MUC3A: variants seen among roughly 807,000 people sequenced by gnomAD.
MUC3A encodes mucin-3A.
Under a neutral mutation model 109.0 loss-of-function variants are expected in MUC3A, and 109 were observed. The ratio of observed to expected loss-of-function variants is 1.00; its 90% CI spans 0.86 to 1.17. The LOEUF (loss-of-function observed/expected upper bound fraction) is 1.17, where lower values mean the gene tolerates loss of function less well. Among genes scored for constraint, MUC3A ranks in the 50% most tolerant of loss-of-function variants. The pLI, the probability that MUC3A is intolerant of heterozygous loss-of-function variation, is 0.00. For synonymous variants in MUC3A, 1,398 were observed against 981.4 expected, an observed-to-expected ratio of 1.42 and a Z score of -7.93; for missense variants, 3,537 against 2,469.4, an observed-to-expected ratio of 1.43 and a Z score of -9.16.
At position 100,952,892 on chromosome 7, in the gene MUC3A, T is replaced by C; in HGVS notation, c.1113T>C (p.Ser371=). 6.4e-7 allele frequency: 1 copy of C among 1,570,082 alleles called. No individual in the cohort carries two copies. Among genetic ancestry groups the C allele is most frequent in the Non-Finnish European group, 8.6e-7 (1 of 1,165,368 alleles). ...CAGAGACTTCTCTCCCACCCACCTC[T>C]TCCTCTCTCCCAACCACAGAAACAG... The part of the protein sequence containing the change: ...LSTETSLPPT[S]SSLPTTETAT... The change falls in exon 2 of 12, where the codon TCT becomes TCC. Residue 371 remains serine, a synonymous_variant. Transcript: ENST00000379458.
Position 100,963,683 on chromosome 7 carries a change from T to G in MUC3A, c.9169-5T>G. 6.3e-7 allele frequency: 1 copy of G among 1,598,466 alleles called. No homozygotes were observed. The highest frequency in any genetic ancestry group is 8.5e-7 in the Non-Finnish European group (1 of 1,179,764). On this transcript the variant is annotated splice_polypyrimidine_tract_variant and splice_region_variant and intron_variant, in intron 4 of 11. Coordinates refer to ENST00000379458, the MANE Select transcript of MUC3A (RefSeq NM_005960.2). ...ACGTGAGCCCAGGGATCCTTGGTGT[T>G]TCAGATGCAGAAGATTTTTGCAGAC...
chr7:100,954,562 C>G lies in MUC3A; in HGVS notation c.2783C>G (p.Ser928Cys), dbSNP rs1046949391. The G allele has an allele frequency of 5.0e-6, 2 of 400,332 alleles. No individual in the cohort carries two copies. The highest frequency in any genetic ancestry group is 8.8e-6 in the Non-Finnish European group (2 of 227,398). The allele number at this position is 400,332 out of a possible 1,614,324, so 24.8% of individuals were successfully genotyped here. Residue 928 changes from serine (S) to cysteine (C), a missense_variant, in exon 2 of 12, where the codon TCC (serine) becomes TGC (cysteine). By Grantham distance (112) the Ser-to-Cys change is moderately radical. Transcript: ENST00000379458. ...SAGTTHTESI[S>C]SPRGTTSTLH... ...GGGACCACTCACACAGAGAGTATCTCCTCACCTCGAGGCACCACCAGTACA... is the reference window on the plus strand; with the variant it reads ...GGGACCACTCACACAGAGAGTATCTGCTCACCTCGAGGCACCACCAGTACA...
At chr7:100,961,409 G>A (rs1216402863) in intron 3 of MUC3A, among the ~76,000 whole-genome samples, 1 of 152,308 alleles carries the variant, frequency 6.6e-6, no homozygotes, top group African/African-American at 2.4e-5. Flanking sequence ...ATCTCTCTGT[G>A]TCTTTCTCCC....
In MUC3A at chr7:100,951,880, T is replaced by C. The variant is rs1791953016; in HGVS notation, c.101T>C (p.Phe34Ser). Residue 34 changes from phenylalanine to serine, a missense_variant, in exon 2 of 12, where the codon TTC (phenylalanine) becomes TCC (serine). Coordinates refer to ENST00000379458, the MANE Select transcript of MUC3A (RefSeq NM_005960.2). ...GCCACATCCATCTCTCAAGTGCCTT[T>C]CCCCAGAGCAGAAGCAGCCAGCGCT... ...STATSISQVP[F>S]PRAEAASAVL... 6.3e-7 allele frequency: 1 copy of C among 1,598,410 alleles called. No homozygotes were observed. The highest frequency in any genetic ancestry group is 1.3e-5 in the African/African-American group (1 of 75,074).
Position 100,956,208 on chromosome 7 carries a change from A to G in MUC3A, c.4429A>G (p.Thr1477Ala). Residue 1477 changes from threonine to alanine, a missense_variant, in exon 2 of 12, where the codon ACT becomes GCT. Thr to Ala is a moderately conservative substitution (Grantham distance 58). Coordinates refer to ENST00000379458, the MANE Select transcript of MUC3A (RefSeq NM_005960.2). ...SPTSTVTEST[T>A]EITYPTTMTE... ...CACAAGCACTGTCACAGAGTCCACAACTGAAATCACCTATCCCACCACTAT... is the reference window on the plus strand; with the variant it reads ...CACAAGCACTGTCACAGAGTCCACAGCTGAAATCACCTATCCCACCACTAT... 4 of 461,432 alleles carry G rather than the reference A, an allele frequency of 8.7e-6. No individual in the cohort carries two copies. The East Asian group carries it at 1.0e-4, about 12-fold the overall frequency. The allele number at this position is 461,432 out of a possible 1,614,324, so 28.6% of individuals were successfully genotyped here.
chr7:100,963,011 C>T (rs1463204805), intron 3 of MUC3A, 140 bp from the exon 4 acceptor site: 28 of 896,324 alleles, frequency 3.1e-5, no homozygotes, highest in Non-Finnish European at 3.2e-5. Context: ...ATTCCTACAT[C>T]TGTTCCTGCC....
At position 100,952,121 on chromosome 7, in the gene MUC3A, C is replaced by T. The variant is rs1358540230; in HGVS notation, c.342C>T (p.Thr114=). The T allele has an allele frequency of 9.4e-6, 15 of 1,598,426 alleles. No individual in the cohort carries two copies. Among genetic ancestry groups the T allele is most frequent in the Non-Finnish European group, 1.3e-5 (15 of 1,179,768 alleles). The change falls in exon 2 of 12, where the codon ACC becomes ACT. Residue 114 remains threonine, a synonymous_variant. Transcript: ENST00000379458. ...CCAAGTTTGCCTTCAAGGTTGAAAC[C>T]ACTCCACCCACCGTGTTGGTCTATT... ...PTSKFAFKVE[T]TPPTVLVYSA... is the part of the protein sequence containing the mutation.
intron 3 of MUC3A, 64 bp downstream of exon 3, chr7:100,961,001 C>A (rs1792309424): frequency 2.5e-6 from 4 of 1,596,196 alleles, no homozygotes; most frequent in Non-Finnish European, 2.5e-6. Context: ...TCTCCCCAGA[C>A]TTATCCCTCT....
At chr7:100,963,825 T>A (rs998890783) in intron 5 of MUC3A, 73 bp downstream of exon 5, 1 of 1,583,618 alleles carries the variant, frequency 6.3e-7, no homozygotes, top group African/African-American at 1.3e-5. Context: ...AACCCATTCC[T>A]TTCTTTTGTA....
In MUC3A at chr7:100,954,200, A is replaced by C; in HGVS notation, c.2421A>C (p.Thr807=). Residue 807 remains threonine, a synonymous_variant, in exon 2 of 12, where the codon ACA becomes ACC. Transcript: ENST00000379458. ...PTTLGTMVTS[T]SMISSTVSTG... ...CGTTGGGTACCATGGTAACTTCTAC[A>C]TCCATGATCTCATCTACTGTGAGTA... is the stretch of plus-strand genomic sequence containing the variant. The C allele has an allele frequency of 1.9e-6, 1 of 526,982 alleles. No homozygotes were observed. Among genetic ancestry groups the C allele is most frequent in the African/African-American group, 2.0e-5 (1 of 51,276 alleles). The allele number at this position is 526,982 out of a possible 1,614,324, so 32.6% of individuals were successfully genotyped here. A position where few individuals can be genotyped will look rare whatever the true frequency, so the allele number is the denominator to read the frequency against.
chr7:100,962,149 G>A, intron 3 of MUC3A, among the ~76,000 whole-genome samples: 1 of 74,144 alleles, frequency 1.3e-5, no homozygotes, highest in African/African-American at 4.0e-5. Flanking sequence ...GGAGAATGGC[G>A]TGAACCCGGG....
Position 100,958,114 on chromosome 7 carries a change from C to A in MUC3A, c.6335C>A (p.Ser2112Tyr). The change falls in exon 2 of 12, where the codon TCC (serine) becomes TAC (tyrosine). Residue 2112 changes from serine to tyrosine, a missense_variant. By Grantham distance (144) the Ser-to-Tyr change is moderately radical. Coordinates refer to ENST00000379458, the MANE Select transcript of MUC3A (RefSeq NM_005960.2). Reference protein sequence around the residue: ...TTSHSTPSFTSSITTSEMPSH... With the variant: ...TTSHSTPSFTYSITTSEMPSH... ...TCACACAGTACTCCCAGCTTCACTT[C>A]CTCAATCACCACCTCTGAGATGCCC... The A allele has an allele frequency of 7.9e-7, 1 of 1,260,700 alleles. No homozygotes were observed. Among genetic ancestry groups the A allele is most frequent in the Non-Finnish European group, 1.1e-6 (1 of 875,062 alleles). The allele number at this position is 1,260,700 out of a possible 1,614,324, so 78.1% of individuals were successfully genotyped here. A position where few individuals can be genotyped will look rare whatever the true frequency, so the allele number is the denominator to read the frequency against.
chr7:100,965,819 C>CT lies in MUC3A; in HGVS notation c.9565dup (p.Cys3189LeufsTer88), dbSNP rs1792515443. 1 of 1,597,374 alleles carries CT rather than the reference C, an allele frequency of 6.3e-7. No individual in the cohort carries two copies. Among genetic ancestry groups the CT allele is most frequent in the African/African-American group, 1.3e-5 (1 of 74,922 alleles). On this transcript the variant is annotated frameshift_variant, in exon 8 of 12. Coordinates refer to ENST00000379458, the MANE Select transcript of MUC3A (RefSeq NM_005960.2). LOFTEE classifies it high-confidence loss of function. ...CGTCGGGGGTGGACAACGCCATCGACTGTCACCAGGGCCAGTGCGTTCTGG... is the reference window on the plus strand; with the variant it reads ...CGTCGGGGGTGGACAACGCCATCGACTTGTCACCAGGGCCAGTGCGTTCTGG...
intron 8 of MUC3A, 191 bp from the exon 9 acceptor site, chr7:100,966,195 C>A: frequency 3.1e-6 from 1 of 322,782 alleles, no homozygotes; most frequent in African/African-American, 4.4e-5. Flanking sequence ...AAGGTGGAAT[C>A]CCGCCCCCTC....
intron 3 of MUC3A, 157 bp downstream of exon 3, chr7:100,961,094 A>T (rs1488122886): frequency 3.1e-6 from 3 of 983,214 alleles, no homozygotes; most frequent in African/African-American, 1.7e-5. Context: ...GCCCTGTGTC[A>T]TGCTCCTCTC....
rs369808949 is a variant in MUC3A at position 100,958,733 on chromosome 7, A to T, written c.6954A>T (p.Ser2318=). The change falls in exon 2 of 12, where the codon TCA becomes TCT. Residue 2318 remains serine (S), a synonymous_variant. Coordinates refer to ENST00000379458, the MANE Select transcript of MUC3A (RefSeq NM_005960.2). ...TSSITTTETT[S]HSAHSFTSSI... is the part of the protein sequence containing the mutation. ...CGATCACCACCACGGAGACCACCTC[A>T]CACAGTGCTCACAGCTTCACTTCTT... is the stretch of plus-strand genomic sequence containing the variant. 1.5e-5 allele frequency: 23 copies of T among 1,508,622 alleles called. No homozygotes were observed. The highest frequency in any genetic ancestry group is 1.8e-6 in the Non-Finnish European group (2 of 1,117,722). The allele number at this position is 1,508,622 out of a possible 1,614,324, so 93.5% of individuals were successfully genotyped here.
At chr7:100,966,242 GATTCCC>G in intron 8 of MUC3A, 138 bp from the exon 9 acceptor site, 6 of 959,332 alleles carry the variant, frequency 6.3e-6, no homozygotes, top group Non-Finnish European at 8.1e-6. Flanking sequence ...TTCTAGGGTG[GATTCCC>G]AGCCCCTTGT....
In MUC3A at chr7:100,965,806, A is replaced by C. The variant is rs1341647170; in HGVS notation, c.9551A>C (p.Asp3184Ala). The change falls in exon 8 of 12, where the codon GAC becomes GCC. Residue 3184 changes from aspartate (D) to alanine (A), a missense_variant. Asp to Ala is a moderately radical substitution (Grantham distance 126, BLOSUM62 -2). Coordinates refer to ENST00000379458, the MANE Select transcript of MUC3A (RefSeq NM_005960.2). ...GTCACCAAATGCACGTCGGGGGTGG[A>C]CAACGCCATCGACTGTCACCAGGGC... ...RCVTKCTSGV[D>A]NAIDCHQGQC... The C allele has an allele frequency of 6.3e-7, 1 of 1,597,574 alleles. No homozygotes were observed. The highest frequency in any genetic ancestry group is 1.7e-5 in the Admixed American group (1 of 59,986).
chr7:100,966,236 A>T, intron 8 of MUC3A, 150 bp from the exon 9 acceptor site: 1 of 772,854 alleles, frequency 1.3e-6, no homozygotes, highest in Non-Finnish European at 1.7e-6. Flanking sequence ...CCCTCGTTCT[A>T]GGGTGGATTC....
Sources: gnomAD v4.1 joint callset for allele counts (sites outside exome capture counted in the v4.1 genomes callset) on GRCh38, gnomAD v4.1.1 for gene constraint, MANE v1.5 for transcripts, NCBI Gene and HGNC (gene_info 2026-07-23, HGNC 2026-07-21) for gene names.